CACNA1E: variants seen among roughly 807,000 people sequenced by gnomAD.
CACNA1E encodes the protein calcium voltage-gated channel subunit alpha1 E.
A neutral mutation model predicts 259.2 loss-of-function variants in CACNA1E; 40 were observed. The ratio of observed to expected loss-of-function variants is 0.15; its 90% CI spans 0.12 to 0.20. The LOEUF (loss-of-function observed/expected upper bound fraction) is 0.20, where lower values mean the gene tolerates loss of function less well. CACNA1E is among the 10% of genes least tolerant of loss of function. The pLI, the probability that CACNA1E is intolerant of heterozygous loss-of-function variation, is 1.00. For missense variants in CACNA1E, 1,874 were observed against 3,040.1 expected (o/e 0.62, Z 9.02); for synonymous variants, 1,104 against 1,138.5 (o/e 0.97, Z 0.61).
At chr1:181,785,482 T>C in intron 42 of CACNA1E, 64 bp downstream of exon 42, 1 of 1,138,306 alleles carries the variant, frequency 8.8e-7, no homozygotes, top group Non-Finnish European at 1.3e-6. Flanking sequence ...GGAATAGGCC[T>C]GTGCCTCCCT....
intron 29 of CACNA1E, 115 bp from the exon 30 acceptor site, chr1:181,756,810 A>G (rs953909671): frequency 1.4e-6 from 1 of 729,986 alleles, no homozygotes; most frequent in African/African-American, 1.8e-5. Flanking sequence ...AAAAAAATTA[A>G]TGGAGGATCT....
intron 1 of CACNA1E, among the ~76,000 whole-genome samples, chr1:181,341,118 G>C (rs1350640023): frequency 6.6e-6 from 1 of 152,052 alleles, no homozygotes; most frequent in African/African-American, 2.4e-5. Flanking sequence ...TGGTGGTCCT[G>C]CCCTCCTAGT....
At chr1:181,636,449 A>T (rs902264789) in intron 6 of CACNA1E, among the ~76,000 whole-genome samples, 1 of 152,214 alleles carries the variant, frequency 6.6e-6, no homozygotes, top group Admixed American at 6.5e-5. Flanking sequence ...ACATATTTTG[A>T]CCTGAGGCTG....
intron 2 of CACNA1E, among the ~76,000 whole-genome samples, chr1:181,422,156 A>G (rs1474987294): frequency 6.6e-6 from 1 of 152,164 alleles, no homozygotes; most frequent in Non-Finnish European, 1.5e-5. Flanking sequence ...GCTGTCCTTC[A>G]TCACACAGTC....
At chr1:181,439,298 G>A (rs930815514) in intron 2 of CACNA1E, among the ~76,000 whole-genome samples, 1 of 150,844 alleles carries the variant, frequency 6.6e-6, no homozygotes, top group Non-Finnish European at 1.5e-5. Context: ...TATTTTCCCT[G>A]TAAATTTTAG....
At chr1:181,506,396 G>A (rs543322786) in intron 1 of CACNA1E, among the ~76,000 whole-genome samples, 4 of 152,302 alleles carry the variant, frequency 2.6e-5, no homozygotes, top group African/African-American at 9.6e-5. Flanking sequence ...GGAGTGAGCA[G>A]GAGCCATGGC....
chr1:181,750,252 G>A (rs1657471879), intron 25 of CACNA1E, among the ~76,000 whole-genome samples: 2 of 152,272 alleles, frequency 1.3e-5, no homozygotes, highest in South Asian at 2.1e-4. Context: ...TGGCAATGGA[G>A]CAAATGGTGT....
chr1:181,705,012 C>T (rs1325181136), intron 7 of CACNA1E, among the ~76,000 whole-genome samples: 3 of 151,042 alleles, frequency 2.0e-5, no homozygotes, highest in Admixed American at 6.6e-5. Flanking sequence ...ACTTCTAATC[C>T]CCAAGAGTTA....
At chr1:181,790,057 A>G (rs888925565) in intron 43 of CACNA1E, among the ~76,000 whole-genome samples, 6 of 152,212 alleles carry the variant, frequency 3.9e-5, no homozygotes, top group Admixed American at 2.0e-4. Flanking sequence ...ATTTTTAAAA[A>G]GTCCATGGCT....
At chr1:181,738,081 G>GGTAT (rs1318425224) in intron 23 of CACNA1E, among the ~76,000 whole-genome samples, 1 of 152,248 alleles carries the variant, frequency 6.6e-6, no homozygotes, top group Non-Finnish European at 1.5e-5. Flanking sequence ...CTAAGGGACA[G>GGTAT]GTATGTGGGC....
intron 1 of CACNA1E, among the ~76,000 whole-genome samples, chr1:181,370,282 T>C (rs994903961): frequency 6.6e-6 from 1 of 152,072 alleles, no homozygotes; most frequent in African/African-American, 2.4e-5. Context: ...TTTTTTTTTT[T>C]TTTCTTTCAA....
intron 38 of CACNA1E, among the ~76,000 whole-genome samples, chr1:181,777,647 C>T (rs966031238): frequency 1.3e-5 from 2 of 152,208 alleles, no homozygotes; most frequent in African/African-American, 2.4e-5. Context: ...GGACAAGTCA[C>T]GTAACCACTC....
Position 181,508,147 on chromosome 1 carries a change from T to TTGTGTGTGTGTGTGTG in CACNA1E, c.267-2317_267-2302dup, listed in dbSNP as rs55742094. 1.8e-3 allele frequency among the ~76,000 whole-genome samples: 275 copies of TTGTGTGTGTGTGTGTG among 148,956 alleles called. 2 individuals are homozygous for TTGTGTGTGTGTGTGTG. The highest frequency in any genetic ancestry group is 6.0e-3 in the African/African-American group (242 of 40,504). ...AATGTTGTGTGCTGTCCCAAACGCC[T>TTGTGTGTGTGTGTGTG]TGTGTGTGTGTGTGTGTGTGTGTGT... is the stretch of plus-strand genomic sequence containing the variant. On this transcript the variant is annotated intron_variant, in intron 1 of 47. Coordinates refer to ENST00000367573, the MANE Select transcript of CACNA1E (RefSeq NM_001205293.3).
intron 25 of CACNA1E, among the ~76,000 whole-genome samples, chr1:181,743,993 G>A (rs1656830376): frequency 6.6e-6 from 1 of 152,250 alleles, no homozygotes; most frequent in African/African-American, 2.4e-5. Flanking sequence ...TGCTGTTGTA[G>A]CAGGGCATGG....
chr1:181,429,319 T>G (rs1226412089), intron 2 of CACNA1E, among the ~76,000 whole-genome samples: 1 of 152,240 alleles, frequency 6.6e-6, no homozygotes, highest in Non-Finnish European at 1.5e-5. Flanking sequence ...TGCTCCATAC[T>G]GGGCAGCCAG....
At chr1:181,669,417 C>A (rs1046240988) in intron 7 of CACNA1E, among the ~76,000 whole-genome samples, 1 of 152,184 alleles carries the variant, frequency 6.6e-6, no homozygotes, top group South Asian at 2.1e-4. Flanking sequence ...AAATAACCAA[C>A]CCCCACAGCC....
chr1:181,789,173 A>G (rs1429111584), intron 43 of CACNA1E, among the ~76,000 whole-genome samples: 1 of 152,222 alleles, frequency 6.6e-6, no homozygotes, highest in Non-Finnish European at 1.5e-5. Context: ...GAACTCACTC[A>G]TTCTTATACT....
chr1:181,523,266 A>G (rs775935927), intron 3 of CACNA1E, among the ~76,000 whole-genome samples: 1 of 152,190 alleles, frequency 6.6e-6, no homozygotes, highest in Non-Finnish European at 1.5e-5. Context: ...CCCAGCTGTG[A>G]CTGGTCTGAA....
At chr1:181,400,803 C>G (rs182621720) in intron 1 of CACNA1E, among the ~76,000 whole-genome samples, 1 of 152,230 alleles carries the variant, frequency 6.6e-6, no homozygotes, top group African/African-American at 2.4e-5. Context: ...ATTGATCAGG[C>G]ACTTTGCAAA....
Sources: allele counts gnomAD v4.1 joint callset (sites outside exome capture counted in the v4.1 genomes callset), GRCh38; gene constraint gnomAD v4.1.1; transcripts MANE v1.5; gene names NCBI Gene and HGNC (gene_info 2026-07-23, HGNC 2026-07-21).